SH3GL2: variants seen among roughly 807,000 people sequenced by gnomAD.
SH3GL2 encodes the protein endophilin-A1.
A neutral mutation model predicts 46.0 loss-of-function variants in SH3GL2; 24 were observed. The ratio of observed to expected loss-of-function variants is 0.52; its 90% confidence interval spans 0.38 to 0.73. The LOEUF (loss-of-function observed/expected upper bound fraction) is 0.73, where lower values mean the gene tolerates loss of function less well. Ranked by LOEUF, SH3GL2 falls within the 30% of genes least tolerant of loss-of-function variation. SH3GL2 has a pLI of 0.00. For missense variants in SH3GL2, 413 were observed against 424.2 expected, an observed-to-expected ratio of 0.97 and a Z score of 0.23; for synonymous variants, 196 against 147.1, an observed-to-expected ratio of 1.33 and a Z score of -2.40.
intron 1 of SH3GL2, among the ~76,000 whole-genome samples, chr9:17,638,729 A>G (rs973416195): frequency 2.0e-5 from 3 of 152,226 alleles, no homozygotes; most frequent in Non-Finnish European, 4.4e-5. Context: ...GCTAATATCA[A>G]CAGGTAGGTG....
intron 1 of SH3GL2, among the ~76,000 whole-genome samples, chr9:17,703,741 T>A (rs1188645462): frequency 2.6e-5 from 4 of 152,042 alleles, no homozygotes; most frequent in Non-Finnish European, 5.9e-5. Context: ...AGGCTTTTAA[T>A]ACAATTCAGC....
At chr9:17,766,284 G>C (rs945175853) in intron 3 of SH3GL2, among the ~76,000 whole-genome samples, 4 of 152,218 alleles carry the variant, frequency 2.6e-5, no homozygotes, top group Non-Finnish European at 1.5e-5. Context: ...ACAGACAGCT[G>C]TAAAGTCATC....
chr9:17,738,493 CAT>C (rs1822408329), intron 1 of SH3GL2, among the ~76,000 whole-genome samples: 1 of 91,930 alleles, frequency 1.1e-5, no homozygotes, highest in African/African-American at 3.3e-5. Flanking sequence ...TACACACACA[CAT>C]ATACATACAT....
chr9:17,712,166 T>G (rs1821643242), intron 1 of SH3GL2, among the ~76,000 whole-genome samples: 1 of 151,860 alleles, frequency 6.6e-6, no homozygotes, highest in Non-Finnish European at 1.5e-5. Context: ...GGTGATTTTC[T>G]TATTGTTTCT....
chr9:17,715,650 C>T (rs1821735515), intron 1 of SH3GL2, among the ~76,000 whole-genome samples: 1 of 151,788 alleles, frequency 6.6e-6, no homozygotes, highest in Non-Finnish European at 1.5e-5. Context: ...TTTTTTATGT[C>T]TGGGAATTAT....
intron 2 of SH3GL2, among the ~76,000 whole-genome samples, chr9:17,748,889 A>G (rs769402943): frequency 6.6e-6 from 1 of 152,158 alleles, no homozygotes; most frequent in Non-Finnish European, 1.5e-5. Flanking sequence ...GGTAAAGGAA[A>G]CAGCATGCAA....
At chr9:17,605,764 A>G (rs747535562) in intron 1 of SH3GL2, among the ~76,000 whole-genome samples, 1 of 152,204 alleles carries the variant, frequency 6.6e-6, no homozygotes, top group Non-Finnish European at 1.5e-5. Flanking sequence ...GAGATTTGTC[A>G]TAGTCTATTA....
intron 3 of SH3GL2, among the ~76,000 whole-genome samples, chr9:17,767,350 A>C (rs1466148178): frequency 6.6e-6 from 1 of 152,232 alleles, no homozygotes; most frequent in South Asian, 2.1e-4. Flanking sequence ...AAAATGTACC[A>C]TTAGTCCCTG....
intron 1 of SH3GL2, among the ~76,000 whole-genome samples, chr9:17,673,499 C>T (rs1423826202): frequency 1.3e-5 from 2 of 152,020 alleles, no homozygotes; most frequent in African/African-American, 4.8e-5. Flanking sequence ...TGCTCAAGTC[C>T]ATCTTCTATA....
chr9:17,770,645 A>G (rs1188503378), intron 3 of SH3GL2, among the ~76,000 whole-genome samples: 2 of 152,216 alleles, frequency 1.3e-5, no homozygotes, highest in Non-Finnish European at 1.5e-5. Context: ...TGACCAAGTC[A>G]CATTATGTGA....
At chr9:17,768,220 A>G (rs1823372308) in intron 3 of SH3GL2, among the ~76,000 whole-genome samples, 1 of 151,806 alleles carries the variant, frequency 6.6e-6, no homozygotes, top group Admixed American at 6.6e-5. Context: ...AAATACAAAA[A>G]AGTAGCTGCT....
At chr9:17,749,961 C>A (rs894438495) in intron 2 of SH3GL2, among the ~76,000 whole-genome samples, 1 of 152,112 alleles carries the variant, frequency 6.6e-6, no homozygotes, top group South Asian at 2.1e-4. Flanking sequence ...ACACTCATGG[C>A]TCTTTACTTG....
intron 1 of SH3GL2, among the ~76,000 whole-genome samples, chr9:17,606,051 A>G (rs538158937): frequency 4.1e-4 from 62 of 151,728 alleles, no homozygotes; most frequent in African/African-American, 1.3e-3. Context: ...ACCCTTGTCA[A>G]CCTTGACGGC....
chr9:17,609,739 G>T (rs1588170723), intron 1 of SH3GL2, among the ~76,000 whole-genome samples: 1 of 152,328 alleles, frequency 6.6e-6, no homozygotes, highest in East Asian at 1.9e-4. Context: ...AAAGAAAGTT[G>T]CAGATCATAC....
intron 1 of SH3GL2, among the ~76,000 whole-genome samples, chr9:17,580,630 T>C (rs1042945704): frequency 6.6e-6 from 1 of 152,244 alleles, no homozygotes; most frequent in Non-Finnish European, 1.5e-5. Context: ...CTGTGACCTC[T>C]CTGCCAGACA....
rs919357907 is a variant in SH3GL2, at chr9:17,791,122, A to G, written c.625-109A>G. 1.7e-5 allele frequency: 13 copies of G among 744,160 alleles called. No individual in the cohort carries two copies. In the African/African-American group the frequency reaches 1.9e-4, roughly 11 times the overall value. 46.1% of individuals were successfully genotyped at this position (744,160 alleles called of 1,614,324 possible). On this transcript the variant is annotated intron_variant, in intron 6 of 8. Coordinates refer to ENST00000380607, the MANE Select transcript of SH3GL2 (RefSeq NM_003026.5). ...TATCACACAGTCATCAGCACCACCA[A>G]CCAGGGGCTGTGTGTTGAGGGCAGC...
intron 1 of SH3GL2, among the ~76,000 whole-genome samples, chr9:17,597,720 C>G (rs959132976): frequency 6.6e-6 from 1 of 152,028 alleles, no homozygotes; most frequent in African/African-American, 2.4e-5. Flanking sequence ...ATATGTTTTT[C>G]TTATCAGATT....
At chr9:17,767,116 A>C (rs1324334299) in intron 3 of SH3GL2, among the ~76,000 whole-genome samples, 1 of 152,226 alleles carries the variant, frequency 6.6e-6, no homozygotes, top group Non-Finnish European at 1.5e-5. Context: ...AACTGCTTAC[A>C]TAAAAAGCAG....
At position 17,684,361 on chromosome 9, in the gene SH3GL2, G is replaced by A. The variant is rs1481754236; in HGVS notation, c.46-62705G>A. 3.3e-5 allele frequency among the ~76,000 whole-genome samples: 5 copies of A among 152,186 alleles called. No homozygotes were observed. In the East Asian group the frequency reaches 9.7e-4, roughly 29 times the overall value. ...AGTTAAAGAAATAATCAGTATATTTGAAGATTGGTCAGAAGAGATTTATGG... is the reference window on the plus strand; with the variant it reads ...AGTTAAAGAAATAATCAGTATATTTAAAGATTGGTCAGAAGAGATTTATGG... On this transcript the variant is annotated intron_variant, in intron 1 of 8. Transcript: ENST00000380607.
Sources: allele counts gnomAD v4.1 joint callset (sites outside exome capture counted in the v4.1 genomes callset), GRCh38; gene constraint gnomAD v4.1.1; transcripts MANE v1.5; gene names NCBI Gene and HGNC (gene_info 2026-07-23, HGNC 2026-07-21).